The following NADK2 variants were observed in gnomAD, a reference collection of about 807,000 sequenced individuals.
NADK2 encodes NAD kinase 2, mitochondrial.
In NADK2, 35 loss-of-function variants were observed where a neutral mutation model predicts 62.1. The observed-to-expected ratio is 0.56, with a 90% CI of 0.43 to 0.75. The LOEUF (loss-of-function observed/expected upper bound fraction) is 0.75. NADK2 is among the 30% of genes least tolerant of loss of function. The pLI is 0.00. For synonymous variants in NADK2, 205 were observed against 207.9 expected (o/e 0.99, Z 0.12); for missense variants, 439 against 561.3 (o/e 0.78, Z 2.20).
intron 4 of NADK2, chr5:36,221,196 G>A (rs1233794479): frequency 6.6e-6 from 1 of 152,204 alleles, no homozygotes; most frequent in Non-Finnish European, 1.5e-5. Flanking sequence ...ACCAGGCTCG[G>A]TAGAGTGGCT....
intron 1 of NADK2, among the ~76,000 whole-genome samples, chr5:36,238,016 C>T (rs1270620546): frequency 6.6e-6 from 1 of 152,132 alleles, no homozygotes; most frequent in Non-Finnish European, 1.5e-5. Flanking sequence ...TTTAGATAGA[C>T]ACTCTGGTAA....
chr5:36,206,252 C>A (rs1385564456), intron 8 of NADK2, among the ~76,000 whole-genome samples: 2 of 151,128 alleles, frequency 1.3e-5, no homozygotes, highest in African/African-American at 2.4e-5. Flanking sequence ...TGTAACAAAC[C>A]TGCATGTTGT....
intron 11 of NADK2, among the ~76,000 whole-genome samples, chr5:36,197,283 C>G (rs1746264648): frequency 6.6e-6 from 1 of 152,024 alleles, no homozygotes; most frequent in African/African-American, 2.4e-5. Flanking sequence ...TAAAAACCAA[C>G]AAATCACTGA....
Position 36,207,244 on chromosome 5 carries a change from T to C in NADK2, c.882A>G (p.Ser294=), listed in dbSNP as rs1357710484. The change falls in exon 8 of 12, where the codon TCA becomes TCG. Residue 294 remains serine (S), a synonymous_variant. Coordinates refer to ENST00000381937, the MANE Select transcript of NADK2 (RefSeq NM_001085411.3). ...LSSRASYYEI[S]VDDGPWEKQK... ...GTTTTTCCCATGGACCATCATCAAC[T>C]GAAATCTCATAGTAGGAAGCCCTGT... 2.5e-6 allele frequency: 4 copies of C among 1,612,592 alleles called. No individual in the cohort carries two copies. The highest frequency in any genetic ancestry group is 3.4e-6 in the Non-Finnish European group (4 of 1,179,048).
intron 1 of NADK2, among the ~76,000 whole-genome samples, chr5:36,231,754 C>T (rs558863322): frequency 6.6e-6 from 1 of 152,308 alleles, no homozygotes; most frequent in East Asian, 1.9e-4. Context: ...TCTTAAAACA[C>T]TCCTTTAATC....
At chr5:36,231,609 T>A (rs1747711894) in intron 1 of NADK2, among the ~76,000 whole-genome samples, 1 of 152,216 alleles carries the variant, frequency 6.6e-6, no homozygotes, top group African/African-American at 2.4e-5. Context: ...TTCAACTGGC[T>A]TTAATTCTTC....
chr5:36,227,709 T>C (rs1041482433), intron 1 of NADK2, 144 bp from the exon 2 acceptor site: 2 of 411,106 alleles, frequency 4.9e-6, no homozygotes, highest in African/African-American at 4.1e-5. Context: ...CAAGTACAAA[T>C]TGAACTAGAA....
chr5:36,217,640 C>T (rs1747093499), intron 6 of NADK2, 108 bp downstream of exon 6: 3 of 1,163,552 alleles, frequency 2.6e-6, no homozygotes, highest in East Asian at 2.4e-5. Flanking sequence ...TTGTTAAGTG[C>T]TATTAATGAC....
intron 1 of NADK2, among the ~76,000 whole-genome samples, chr5:36,228,570 C>T (rs1747576071): frequency 6.6e-6 from 1 of 151,820 alleles, no homozygotes; most frequent in African/African-American, 2.4e-5. Flanking sequence ...CCAGCTTATA[C>T]CTTTCCTCTT....
At chr5:36,214,188 CT>C (rs375269062) in intron 6 of NADK2, among the ~76,000 whole-genome samples, 3 of 149,628 alleles carry the variant, frequency 2.0e-5, no homozygotes, top group Non-Finnish European at 3.0e-5. Flanking sequence ...ATACCAATTA[CT>C]TTTTTTTTTG....
intron 1 of NADK2, among the ~76,000 whole-genome samples, chr5:36,239,087 C>T (rs1748012970): frequency 6.6e-6 from 1 of 152,142 alleles, no homozygotes; most frequent in African/African-American, 2.4e-5. Context: ...AATGCTTTGA[C>T]AAAAAACCAA....
At chr5:36,198,063 G>A (rs772503695) in intron 10 of NADK2, among the ~76,000 whole-genome samples, 2 of 151,610 alleles carry the variant, frequency 1.3e-5, no homozygotes, top group Non-Finnish European at 2.9e-5. Flanking sequence ...AGCTCATAAC[G>A]ATGATAATAA....
rs1209785377 is a variant in NADK2, at chr5:36,219,685, T to C, written c.561-6A>G. The C allele has an allele frequency of 6.2e-7, 1 of 1,609,164 alleles. No individual in the cohort carries two copies. The highest frequency in any genetic ancestry group is 1.7e-5 in the Admixed American group (1 of 59,280). On this transcript the variant is annotated splice_region_variant and splice_polypyrimidine_tract_variant and intron_variant, in intron 4 of 11. Coordinates refer to ENST00000381937, the MANE Select transcript of NADK2 (RefSeq NM_001085411.3). The stretch of plus-strand genomic sequence containing the variant: ...GGCATAAATGACCCTCAGACCTATA[T>C]TTTAACAGGAATTTTTTGGTGATAT...
At chr5:36,232,707 G>A (rs1465822150) in intron 1 of NADK2, among the ~76,000 whole-genome samples, 1 of 151,878 alleles carries the variant, frequency 6.6e-6, no homozygotes, top group Non-Finnish European at 1.5e-5. Flanking sequence ...TAATTCTGTT[G>A]ACCTCCTCCC....
In NADK2 at chr5:36,241,133, G is replaced by A. The variant is rs570086448; in HGVS notation, c.300+366C>T. Among the ~76,000 whole-genome samples, 1 of 152,260 alleles carries A rather than the reference G, an allele frequency of 6.6e-6. No homozygotes were observed. Among genetic ancestry groups the A allele is most frequent in the Non-Finnish European group, 1.5e-5 (1 of 68,002 alleles). The stretch of plus-strand genomic sequence containing the variant: ...GGCCACTGGCTCACTTTCTTGGAGT[G>A]GGTCCCAACCAGGGAACGAGGGCGG... On this transcript the variant is annotated intron_variant, in intron 1 of 11. Transcript: ENST00000381937. This position sits in a 1 kb window ranked among gnomAD's most constrained non-coding sequence, Gnocchi z 4.9.
chr5:36,204,749 GT>G (rs1235527082), intron 8 of NADK2, among the ~76,000 whole-genome samples: 2 of 151,812 alleles, frequency 1.3e-5, no homozygotes, highest in African/African-American at 2.4e-5. Flanking sequence ...ATTTGGCTAA[GT>G]TTTTTTATTG....
At chr5:36,206,110 A>G (rs534006865) in intron 8 of NADK2, among the ~76,000 whole-genome samples, 87 of 152,120 alleles carry the variant, frequency 5.7e-4, no homozygotes, top group African/African-American at 2.0e-3. Context: ...ACATGGACAC[A>G]GGGAGGGGAA....
chr5:36,210,626 C>A (rs1746806689), intron 7 of NADK2, among the ~76,000 whole-genome samples: 1 of 152,100 alleles, frequency 6.6e-6, no homozygotes, highest in African/African-American at 2.4e-5. Context: ...ATATTAATAT[C>A]ATGAATGACA....
At chr5:36,237,299 G>T (rs1223566448) in intron 1 of NADK2, among the ~76,000 whole-genome samples, 1 of 151,892 alleles carries the variant, frequency 6.6e-6, no homozygotes, top group Non-Finnish European at 1.5e-5. Context: ...AAAAAGAATG[G>T]GAATGTTCTT....
Sources: allele counts gnomAD v4.1 joint callset (sites outside exome capture counted in the v4.1 genomes callset), GRCh38; gene constraint gnomAD v4.1.1; non-coding constraint Gnocchi (gnomAD v3.1); transcripts MANE v1.5; gene names NCBI Gene and HGNC (gene_info 2026-07-23, HGNC 2026-07-21).